Variants in SYN3 observed in about 807,000 individuals in gnomAD.
SYN3 encodes synapsin III.
A neutral mutation model predicts 65.8 loss-of-function variants in SYN3; 35 were observed. That is an observed-to-expected ratio of 0.53 (90% CI 0.41 to 0.70). The LOEUF is 0.70. Ranked by LOEUF, SYN3 falls within the 30% of genes least tolerant of loss-of-function variation. SYN3 has a pLI of 0.00. For missense variants in SYN3, 680 were observed against 749.0 expected (o/e 0.91, Z 1.08); for synonymous variants, 270 against 292.9 (o/e 0.92, Z 0.80).
chr22:33,033,311 T>C (rs1486488241), intron 1 of SYN3, among the ~76,000 whole-genome samples: 1 of 152,078 alleles, frequency 6.6e-6, no homozygotes, highest in Admixed American at 6.6e-5. Context: ...CAGAATAAAC[T>C]TCTTTAAAAT....
At chr22:32,972,761 G>C (rs1359081904) in intron 3 of SYN3, among the ~76,000 whole-genome samples, 8 of 152,112 alleles carry the variant, frequency 5.3e-5, no homozygotes, top group African/African-American at 1.9e-4. Context: ...GGGAGGCCCA[G>C]GCAGGAGGAT....
intron 4 of SYN3, among the ~76,000 whole-genome samples, chr22:32,894,007 A>G: frequency 6.6e-6 from 1 of 152,190 alleles, no homozygotes; most frequent in East Asian, 1.9e-4. Flanking sequence ...CAGACAGTGG[A>G]CACTCAATAA....
chr22:32,959,957 A>C (rs2051596436), intron 3 of SYN3, among the ~76,000 whole-genome samples: 1 of 152,228 alleles, frequency 6.6e-6, no homozygotes, highest in African/African-American at 2.4e-5. Context: ...CAAACAGAGC[A>C]GTAATTTTAA....
chr22:32,606,643 C>A (rs753370152), intron 6 of SYN3, among the ~76,000 whole-genome samples: 5 of 152,154 alleles, frequency 3.3e-5, no homozygotes, highest in Non-Finnish European at 7.3e-5. Flanking sequence ...CACACTCCCC[C>A]ATCAGCCTCT....
intron 13 of SYN3, 101 bp downstream of exon 13, chr22:32,517,942 T>C (rs371903253): frequency 3.1e-6 from 4 of 1,302,850 alleles, no homozygotes; most frequent in Non-Finnish European, 4.0e-6. Context: ...CAAGGCCTCG[T>C]TGGGTCTTCC....
At chr22:33,015,323 A>G in intron 1 of SYN3, 1 of 681,126 alleles carries the variant, frequency 1.5e-6, no homozygotes, top group Non-Finnish European at 2.3e-6. Context: ...TTAAAAACAA[A>G]GACGTGAAGA....
chr22:32,582,285 A>G (rs2058959819), intron 7 of SYN3, among the ~76,000 whole-genome samples: 1 of 151,986 alleles, frequency 6.6e-6, no homozygotes, highest in Non-Finnish European at 1.5e-5. Flanking sequence ...ACAGCCTGCA[A>G]ATCACCTGTG....
chr22:32,737,093 T>C (rs1297823805), intron 6 of SYN3, among the ~76,000 whole-genome samples: 1 of 152,208 alleles, frequency 6.6e-6, no homozygotes, highest in East Asian at 1.9e-4. Context: ...AGTGACGGTG[T>C]AGACCCAAAG....
chr22:32,912,546 C>A (rs937386291), intron 4 of SYN3, among the ~76,000 whole-genome samples: 7 of 151,906 alleles, frequency 4.6e-5, no homozygotes, highest in African/African-American at 1.7e-4. Flanking sequence ...TGAGACCCCC[C>A]CATCTCTACT....
At chr22:32,807,875 A>C (rs2046807697) in intron 6 of SYN3, among the ~76,000 whole-genome samples, 2 of 152,092 alleles carry the variant, frequency 1.3e-5, no homozygotes, top group African/African-American at 4.8e-5. Context: ...TATATGCAAC[A>C]TGAGGGGATG....
chr22:32,606,792 C>T (rs1474976048), intron 6 of SYN3, among the ~76,000 whole-genome samples: 1 of 147,204 alleles, frequency 6.8e-6, no homozygotes, highest in African/African-American at 2.6e-5. Context: ...ATTCAGCCAA[C>T]TCTTTATTTT....
At chr22:32,618,729 A>T (rs2059555031) in intron 6 of SYN3, among the ~76,000 whole-genome samples, 1 of 152,182 alleles carries the variant, frequency 6.6e-6, no homozygotes, top group Non-Finnish European at 1.5e-5. Flanking sequence ...TCATGAGCTG[A>T]GTCCGCAACA....
At position 32,725,893 on chromosome 22, in the gene SYN3, G is replaced by A. The variant is rs576059737; in HGVS notation, c.712-129157C>T. On this transcript the variant is annotated intron_variant, in intron 6 of 13. Coordinates refer to ENST00000358763, the MANE Select transcript of SYN3 (RefSeq NM_003490.4). ...GTTGGTCACTGTAGCTCTATTCTCC[G>A]CTATGTGTAGTTTGAGTCTTATTTT... is the stretch of plus-strand genomic sequence containing the variant. Among the ~76,000 whole-genome samples, 13 of 152,160 alleles carry A rather than the reference G, an allele frequency of 8.5e-5. No homozygotes were observed. In the South Asian group the frequency reaches 2.3e-3, roughly 27 times the overall value.
At chr22:32,720,598 AG>A (rs2061103277) in intron 6 of SYN3, among the ~76,000 whole-genome samples, 2 of 152,310 alleles carry the variant, frequency 1.3e-5, no homozygotes, top group Middle Eastern at 3.4e-3. Flanking sequence ...TTCACTGCCC[AG>A]TGAATAGCAG....
chr22:32,908,066 C>T (rs1041108759), intron 4 of SYN3, among the ~76,000 whole-genome samples: 1 of 151,972 alleles, frequency 6.6e-6, no homozygotes, highest in Non-Finnish European at 1.5e-5. Context: ...CAGACAGGCA[C>T]ACTCCAAGAG....
chr22:32,639,634 G>C (rs116424082), intron 6 of SYN3, among the ~76,000 whole-genome samples: 1 of 121,616 alleles, frequency 8.2e-6, no homozygotes, highest in African/African-American at 3.7e-5. Flanking sequence ...CTGCAGCCTC[G>C]ATCTCCTGGC....
chr22:32,852,251 A>C (rs142884440), intron 6 of SYN3, among the ~76,000 whole-genome samples: 1 of 152,336 alleles, frequency 6.6e-6, no homozygotes, highest in Non-Finnish European at 1.5e-5. Context: ...TTTGCCTATA[A>C]GGAGATAATA....
intron 6 of SYN3, among the ~76,000 whole-genome samples, chr22:32,603,698 CA>C (rs2059321161): frequency 6.6e-6 from 1 of 152,178 alleles, no homozygotes; most frequent in Non-Finnish European, 1.5e-5. Flanking sequence ...AGCCCCTCCC[CA>C]AACACAGACA....
At chr22:32,602,454 T>TTTTGTTTTG (rs1316430169) in intron 6 of SYN3, among the ~76,000 whole-genome samples, 2 of 152,068 alleles carry the variant, frequency 1.3e-5, no homozygotes, top group African/African-American at 4.8e-5. Flanking sequence ...TTTTGTTTTG[T>TTTTGTTTTG]TTTGTTTGTT....
Sources: allele counts gnomAD v4.1 joint callset (sites outside exome capture counted in the v4.1 genomes callset), GRCh38; gene constraint gnomAD v4.1.1; transcripts MANE v1.5; gene names NCBI Gene and HGNC (gene_info 2026-07-23, HGNC 2026-07-21).